The following CACNA1B variants were observed in gnomAD, a reference collection of about 807,000 sequenced individuals.
CACNA1B encodes voltage-dependent N-type calcium channel subunit alpha-1B.
In CACNA1B, 70 loss-of-function variants were observed where a neutral mutation model predicts 247.2. The observed-to-expected ratio is 0.28, with a 90% CI of 0.23 to 0.35. The LOEUF (loss-of-function observed/expected upper bound fraction) is 0.35. Among genes scored for constraint, CACNA1B ranks in the 10% least tolerant of loss-of-function variants. CACNA1B has a pLI of 1.00. For synonymous variants in CACNA1B, 1,231 were observed against 1,294.4 expected (o/e 0.95, Z 1.05); for missense variants, 2,367 against 3,197.4 (o/e 0.74, Z 6.26).
chr9:138,092,179 AC>A (rs1172794889), intron 36 of CACNA1B, among the ~76,000 whole-genome samples: 2 of 152,156 alleles, frequency 1.3e-5, no homozygotes, highest in Non-Finnish European at 2.9e-5. Flanking sequence ...TTAACAGGAA[AC>A]CTGGTTTGAG....
rs201345273 is a variant in CACNA1B at position 138,123,845 on chromosome 9, T to C, written c.*1846T>C. On this transcript the variant is annotated 3_prime_UTR_variant, in exon 47 of 47. Coordinates refer to ENST00000371372, the MANE Select transcript of CACNA1B (RefSeq NM_000718.4). The stretch of plus-strand genomic sequence containing the variant: ...TAAACCAGGAATCTCGGACTGTGCA[T>C]GTGATCACTGTGCTCCTGTTGCAAA... 2.0e-5 allele frequency: 3 copies of C among 152,204 alleles called. No homozygotes were observed. Among genetic ancestry groups the C allele is most frequent in the Non-Finnish European group, 4.4e-5 (3 of 68,046 alleles). 9.4% of individuals were successfully genotyped at this position (152,204 alleles called of 1,614,324 possible). A position where few individuals can be genotyped will look rare whatever the true frequency, so the allele number is the denominator to read the frequency against.
chr9:137,969,569 G>A (rs531581771), intron 10 of CACNA1B, among the ~76,000 whole-genome samples: 1 of 152,310 alleles, frequency 6.6e-6, no homozygotes, highest in South Asian at 2.1e-4. Context: ...TGTGTGTGCA[G>A]ACACAGTGGG....
intron 18 of CACNA1B, among the ~76,000 whole-genome samples, chr9:138,021,157 T>C (rs1325828504): frequency 6.6e-6 from 1 of 152,204 alleles, no homozygotes; most frequent in Non-Finnish European, 1.5e-5. Context: ...TTTGTCTTGG[T>C]CCCAGCTGGG....
chr9:138,043,655 C>A, intron 20 of CACNA1B, 119 bp from the exon 21 acceptor site: 3 of 1,097,116 alleles, frequency 2.7e-6, no homozygotes, highest in Non-Finnish European at 1.4e-6. Flanking sequence ...CTTGCCCATC[C>A]CTGGTGGGCC....
At chr9:138,071,486 T>C (rs531291222) in intron 32 of CACNA1B, among the ~76,000 whole-genome samples, 2 of 152,304 alleles carry the variant, frequency 1.3e-5, no homozygotes, top group East Asian at 3.9e-4. Flanking sequence ...GTGCTCGGCC[T>C]GCCACGCTGT....
chr9:138,000,120 A>G (rs1156703548), intron 15 of CACNA1B, among the ~76,000 whole-genome samples: 14 of 141,542 alleles, frequency 9.9e-5, no homozygotes, highest in Admixed American at 1.5e-4. Flanking sequence ...TTTTTTTGAG[A>G]TGGAGTCTCG....
chr9:138,015,750 T>C (rs942336366), intron 18 of CACNA1B, among the ~76,000 whole-genome samples: 5 of 152,196 alleles, frequency 3.3e-5, no homozygotes, highest in Non-Finnish European at 7.3e-5. Context: ...GCGTGTCGCA[T>C]GCAGTGCTGT....
At chr9:137,958,122 A>T (rs1468704090) in intron 10 of CACNA1B, among the ~76,000 whole-genome samples, 1 of 135,296 alleles carries the variant, frequency 7.4e-6, no homozygotes, top group African/African-American at 3.3e-5. Flanking sequence ...TCCAATCTGG[A>T]CTTCCTTGCT....
intron 20 of CACNA1B, among the ~76,000 whole-genome samples, chr9:138,037,489 T>G (rs1959060838): frequency 6.6e-6 from 1 of 152,112 alleles, no homozygotes. Flanking sequence ...TGAAACCCCA[T>G]CTGTACTAAA....
chr9:138,041,430 C>T (rs145857378), intron 20 of CACNA1B, among the ~76,000 whole-genome samples: 1 of 152,306 alleles, frequency 6.6e-6, no homozygotes, highest in African/African-American at 2.4e-5. Flanking sequence ...CGCTGTTTTG[C>T]TTCATTGTCT....
At chr9:138,108,308 C>CAAAAAAA (rs935431476) in intron 39 of CACNA1B, among the ~76,000 whole-genome samples, 16 of 43,994 alleles carry the variant, frequency 3.6e-4, no homozygotes, top group South Asian at 8.9e-4. Context: ...AACCCCATCT[C>CAAAAAAA]AAAAAAAAAA....
intron 15 of CACNA1B, among the ~76,000 whole-genome samples, chr9:138,004,162 C>T (rs978246805): frequency 5.3e-5 from 8 of 151,952 alleles, no homozygotes; most frequent in African/African-American, 1.2e-4. Flanking sequence ...AGCAAAAACC[C>T]GGAAGCCACT....
intron 15 of CACNA1B, among the ~76,000 whole-genome samples, chr9:138,001,409 T>A (rs944498631): frequency 2.6e-5 from 4 of 152,222 alleles, no homozygotes; most frequent in Non-Finnish European, 4.4e-5. Context: ...GACACATATT[T>A]GTGAGTATAC....
intron 39 of CACNA1B, among the ~76,000 whole-genome samples, chr9:138,107,080 C>T (rs1961452902): frequency 6.6e-6 from 1 of 152,124 alleles, no homozygotes; most frequent in Non-Finnish European, 1.5e-5. Flanking sequence ...TCTCTACACT[C>T]ACTCCTTTAT....
chr9:137,971,741 G>C lies in CACNA1B; in HGVS notation c.1543+149G>C, dbSNP rs1035013053. 1.5e-6 allele frequency: 1 copy of C among 686,700 alleles called. No individual in the cohort carries two copies. The highest frequency in any genetic ancestry group is 2.5e-6 in the Non-Finnish European group (1 of 406,888). 42.5% of individuals were successfully genotyped at this position (686,700 alleles called of 1,614,324 possible). On this transcript the variant is annotated intron_variant, in intron 11 of 46. Coordinates refer to ENST00000371372, the MANE Select transcript of CACNA1B (RefSeq NM_000718.4). This position sits in a 1 kb window ranked among gnomAD's most constrained non-coding sequence, Gnocchi z 4.4. ...ATCCCACAGCCCTAGTCAGCCTCCAGGAGCCTCTGTGGGGGCCTGGGGTGT... is the reference window on the plus strand; with the variant it reads ...ATCCCACAGCCCTAGTCAGCCTCCACGAGCCTCTGTGGGGGCCTGGGGTGT...
intron 42 of CACNA1B, among the ~76,000 whole-genome samples, chr9:138,117,649 A>C (rs948836807): frequency 1.3e-5 from 2 of 152,144 alleles, no homozygotes; most frequent in Non-Finnish European, 2.9e-5. Flanking sequence ...AGACTTGAGC[A>C]CTGTGGGCTG....
At chr9:138,021,484 C>T (rs1303506181) in intron 18 of CACNA1B, among the ~76,000 whole-genome samples, 1 of 152,236 alleles carries the variant, frequency 6.6e-6, no homozygotes, top group Non-Finnish European at 1.5e-5. Context: ...CTGGGCTTTC[C>T]CACATCTGGC....
intron 20 of CACNA1B, among the ~76,000 whole-genome samples, chr9:138,040,369 T>C (rs920023153): frequency 2.6e-5 from 4 of 152,012 alleles, no homozygotes; most frequent in African/African-American, 9.7e-5. Flanking sequence ...TTTGGTGATA[T>C]TGCTTGAGTT....
At position 138,023,220 on chromosome 9, in the gene CACNA1B, C is replaced by T. The variant is rs1184420674; in HGVS notation, c.2477C>T (p.Ala826Val). 4 of 1,509,778 alleles carry T rather than the reference C, an allele frequency of 2.6e-6. No homozygotes were observed. Among genetic ancestry groups the T allele is most frequent in the East Asian group, 5.2e-5 (2 of 38,716 alleles). The allele number at this position is 1,509,778 out of a possible 1,614,324, so 93.5% of individuals were successfully genotyped here. Residue 826 changes from alanine to valine, a missense_variant, in exon 19 of 47, where the codon GCG becomes GTG. Physicochemically the swap from Ala to Val is moderately conservative, Grantham distance 64 (BLOSUM62 0). Around this residue, in one of 12 missense-constraint regions of CACNA1B, gnomAD observed 631 missense variants for 631.1 expected, o/e 1.00. Coordinates refer to ENST00000371372, the MANE Select transcript of CACNA1B (RefSeq NM_000718.4). ...PLVVELGRDG[A>V]RGPVGGKARP... ...GTGGTGGAGCTGGGCCGCGACGGCGCGCGGGGGCCCGTGGGAGGCAAAGCC... is the reference window on the plus strand; with the variant it reads ...GTGGTGGAGCTGGGCCGCGACGGCGTGCGGGGGCCCGTGGGAGGCAAAGCC...
Sources: allele counts gnomAD v4.1 joint callset (sites outside exome capture counted in the v4.1 genomes callset), GRCh38; gene constraint gnomAD v4.1.1; regional missense constraint gnomAD v4.1.1; non-coding constraint Gnocchi (gnomAD v3.1); transcripts MANE v1.5; gene names NCBI Gene and HGNC (gene_info 2026-07-23, HGNC 2026-07-21).